PPARGC1A: variants seen among roughly 807,000 people sequenced by gnomAD.
PPARGC1A encodes peroxisome proliferator-activated receptor gamma coactivator 1-alpha.
PPARGC1A carries 25 observed loss-of-function variants against 88.7 expected under a neutral mutation model. The observed-to-expected ratio is 0.28, with a 90% confidence interval of 0.21 to 0.39. PPARGC1A has a LOEUF of 0.39. PPARGC1A is among the 10% of genes least tolerant of loss of function. The pLI, the probability that PPARGC1A is intolerant of heterozygous loss-of-function variation, is 1.00. For synonymous variants in PPARGC1A, 363 were observed against 355.6 expected (o/e 1.02, Z -0.24); for missense variants, 880 against 968.7 (o/e 0.91, Z 1.22).
At chr4:24,326,431 C>T in the PPARGC1A span, among the ~76,000 whole-genome samples, 52 of 152,164 alleles carry the variant, frequency 3.4e-4, no homozygotes, top group Middle Eastern at 3.4e-3. Flanking sequence ...TACCTCCCTC[C>T]ACAATCCATT....
At chr4:24,326,941 C>T in the PPARGC1A span, among the ~76,000 whole-genome samples, 659 of 152,308 alleles carry the variant, frequency 4.3e-3, 8 homozygotes, top group African/African-American at 0.015. Flanking sequence ...TTCTGTCAGA[C>T]ATAATTCCTC....
chr4:24,426,408 C>T, the PPARGC1A span, among the ~76,000 whole-genome samples: 33 of 152,224 alleles, frequency 2.2e-4, no homozygotes, highest in African/African-American at 7.2e-4. Flanking sequence ...TGACAGCATA[C>T]GAACAAAAAC....
the PPARGC1A span, among the ~76,000 whole-genome samples, chr4:24,074,885 GC>G: frequency 1.3e-5 from 2 of 152,136 alleles, no homozygotes; most frequent in African/African-American, 4.8e-5. Context: ...ACTCACACCT[GC>G]TCTAAGTGGC....
the PPARGC1A span, among the ~76,000 whole-genome samples, chr4:23,970,032 T>C: frequency 6.6e-6 from 1 of 152,306 alleles, no homozygotes; most frequent in Middle Eastern, 3.4e-3. Context: ...AAATACATAC[T>C]GATTCCCATA....
At chr4:24,351,559 T>TA in the PPARGC1A span, among the ~76,000 whole-genome samples, 3,395 of 152,016 alleles carry the variant, frequency 0.022, 127 homozygotes, top group African/African-American at 0.078. Context: ...AGGGTGCTTA[T>TA]AAAAAAAATC....
At chr4:23,974,315 A>G in the PPARGC1A span, among the ~76,000 whole-genome samples, 1 of 152,180 alleles carries the variant, frequency 6.6e-6, no homozygotes, top group African/African-American at 2.4e-5. Flanking sequence ...TAAGAGTAAC[A>G]ATAATACCGA....
chr4:24,326,953 G>A, the PPARGC1A span, among the ~76,000 whole-genome samples: 1 of 152,152 alleles, frequency 6.6e-6, no homozygotes, highest in African/African-American at 2.4e-5. Context: ...TAATTCCTCA[G>A]TTTAGGCTTC....
At chr4:24,229,070 G>C in the PPARGC1A span, among the ~76,000 whole-genome samples, 2 of 150,850 alleles carry the variant, frequency 1.3e-5, no homozygotes, top group Non-Finnish European at 2.9e-5. Context: ...AACCTGAAAA[G>C]CTTTAAAACA....
chr4:24,167,853 A>G, the PPARGC1A span, among the ~76,000 whole-genome samples: 1 of 152,148 alleles, frequency 6.6e-6, no homozygotes, highest in African/African-American at 2.4e-5. Context: ...CCCTGGGCTC[A>G]AGTGATACTC....
At chr4:24,453,543 G>A in the PPARGC1A span, among the ~76,000 whole-genome samples, 1 of 152,230 alleles carries the variant, frequency 6.6e-6, no homozygotes, top group South Asian at 2.1e-4. Context: ...CACTTTGGGA[G>A]GCCAAGTGGG....
At chr4:23,962,554 A>G in the PPARGC1A span, among the ~76,000 whole-genome samples, 2 of 152,062 alleles carry the variant, frequency 1.3e-5, no homozygotes, top group Non-Finnish European at 1.5e-5. Flanking sequence ...CCAAATCCAA[A>G]CTGGGTGTTG....
chr4:24,026,278 G>C, the PPARGC1A span, among the ~76,000 whole-genome samples: 6 of 152,092 alleles, frequency 3.9e-5, no homozygotes, highest in African/African-American at 1.2e-4. Flanking sequence ...TGCATGATCT[G>C]TGGGCCCATG....
the PPARGC1A span, among the ~76,000 whole-genome samples, chr4:24,451,936 C>T: frequency 1.3e-5 from 2 of 152,116 alleles, no homozygotes; most frequent in East Asian, 1.9e-4. Flanking sequence ...TTTGGTCAAA[C>T]ATTATTCTAG....
the PPARGC1A span, among the ~76,000 whole-genome samples, chr4:23,941,758 G>C: frequency 6.6e-6 from 1 of 152,076 alleles, no homozygotes; most frequent in Non-Finnish European, 1.5e-5. Context: ...GATCCTTTCA[G>C]GTATGATTTC....
chr4:24,442,051 G>C, the PPARGC1A span, among the ~76,000 whole-genome samples: 1 of 152,146 alleles, frequency 6.6e-6, no homozygotes, highest in African/African-American at 2.4e-5. Context: ...CATTTAAATA[G>C]AGTGGCAAAA....
chr4:23,881,303 T>C (rs1027577951), intron 2 of PPARGC1A: 11 of 152,308 alleles, frequency 7.2e-5, no homozygotes, highest in African/African-American at 2.4e-4. Context: ...GAATCGTACC[T>C]GGTCACCTGC....
the PPARGC1A span, among the ~76,000 whole-genome samples, chr4:23,982,636 C>A: frequency 6.6e-6 from 1 of 152,244 alleles, no homozygotes; most frequent in Non-Finnish European, 1.5e-5. Flanking sequence ...TGTTTCTCAA[C>A]AGCCTACAAA....
At chr4:24,206,335 G>A in the PPARGC1A span, among the ~76,000 whole-genome samples, 1 of 152,100 alleles carries the variant, frequency 6.6e-6, no homozygotes, top group African/African-American at 2.4e-5. Context: ...ATGAAAACAA[G>A]CTAAATTTCT....
the PPARGC1A span, among the ~76,000 whole-genome samples, chr4:24,396,679 C>T: frequency 6.6e-6 from 1 of 152,126 alleles, no homozygotes; most frequent in East Asian, 1.9e-4. Context: ...CCCTAGCTAT[C>T]AGTTTAGGGG....
Sources: gnomAD v4.1 joint callset for allele counts (sites outside exome capture counted in the v4.1 genomes callset) on GRCh38, gnomAD v4.1.1 for gene constraint, MANE v1.5 for transcripts, NCBI Gene and HGNC (gene_info 2026-07-23, HGNC 2026-07-21) for gene names.